Variants in ZNF18 observed in about 807,000 individuals in gnomAD.
The protein encoded by ZNF18 is zinc finger protein 18, also known as heart development-specific gene 1 protein.
A neutral mutation model predicts 58.1 loss-of-function variants in ZNF18; 42 were observed. The ratio of observed to expected loss-of-function variants is 0.72; its 90% confidence interval spans 0.56 to 0.93. The LOEUF is 0.93. Among genes scored for constraint, ZNF18 ranks in the 40% least tolerant of loss-of-function variants. The probability of loss-of-function intolerance (pLI) is 0.00; values close to 1 mark genes in which losing one functional copy is unlikely to be tolerated. For synonymous variants in ZNF18, 231 were observed against 239.8 expected (o/e 0.96, Z 0.34); for missense variants, 540 against 644.2 (o/e 0.84, Z 1.75).
the ZNF18 span, among the ~76,000 whole-genome samples, chr17:12,019,847 A>T: frequency 0.23 from 34,527 of 152,144 alleles, 4,074 homozygotes; most frequent in Non-Finnish European, 0.25. Flanking sequence ...ATGGGAGAAA[A>T]TGTCCAGCTC....
chr17:12,014,433 C>T, the ZNF18 span, among the ~76,000 whole-genome samples: 1 of 152,020 alleles, frequency 6.6e-6, no homozygotes, highest in Admixed American at 6.6e-5. Flanking sequence ...TATATCCATA[C>T]AATATAATAT....
chr17:11,997,415 C>A lies in ZNF18; in HGVS notation c.-83+16G>T, dbSNP rs1968544325. 1.3e-5 allele frequency: 2 copies of A among 152,218 alleles called. No homozygotes were observed. Among genetic ancestry groups the A allele is most frequent in the African/African-American group, 4.8e-5 (2 of 41,456 alleles). 9.4% of individuals were successfully genotyped at this position (152,218 alleles called of 1,614,324 possible). On this transcript the variant is annotated intron_variant, in intron 1 of 6. Transcript: ENST00000580306. ...CGAGCGGCCGGAGGCCGGGACCGCC[C>A]CGCAAGCGCGCTCACCTCGGCCCGC...
chr17:11,990,579 T>C (rs368198908), intron 3 of ZNF18, 29 bp from the exon 4 acceptor site: 17 of 1,582,040 alleles, frequency 1.1e-5, no homozygotes, highest in Non-Finnish European at 1.4e-5. Context: ...GTTTTCAGAA[T>C]CTGGATGTCT....
upstream of ZNF18, among the ~76,000 whole-genome samples, chr17:12,000,714 CAGAA>C (rs1968641705): frequency 2.6e-5 from 4 of 152,142 alleles, 1 homozygote; most frequent in South Asian, 4.2e-4. Context: ...GAAACTCTGT[CAGAA>C]AGAAAGAAAG....
At chr17:12,003,832 C>T in the ZNF18 span, among the ~76,000 whole-genome samples, 2 of 152,192 alleles carry the variant, frequency 1.3e-5, no homozygotes, top group East Asian at 1.9e-4. Context: ...TTGAATACAA[C>T]GGACTGGCCA....
chr17:12,013,335 T>A, the ZNF18 span, among the ~76,000 whole-genome samples: 1 of 152,264 alleles, frequency 6.6e-6, no homozygotes, highest in African/African-American at 2.4e-5. Context: ...GTTTGTCTTT[T>A]GACTTTGCTT....
chr17:12,018,803 T>C, the ZNF18 span, among the ~76,000 whole-genome samples: 1 of 152,166 alleles, frequency 6.6e-6, no homozygotes, highest in South Asian at 2.1e-4. Flanking sequence ...CAAGTATATG[T>C]CAGTTTTATC....
At chr17:12,010,715 C>T in the ZNF18 span, 41 of 214,704 alleles carry the variant, frequency 1.9e-4, no homozygotes, top group African/African-American at 7.4e-4. Context: ...TGCGCCCCGC[C>T]GGTCTTTTAT....
chr17:12,018,963 T>C, the ZNF18 span, among the ~76,000 whole-genome samples: 1 of 150,776 alleles, frequency 6.6e-6, no homozygotes. Context: ...TATATACATA[T>C]TTTTTTTAAT....
the ZNF18 span, among the ~76,000 whole-genome samples, chr17:12,006,613 T>C: frequency 6.6e-6 from 1 of 152,166 alleles, no homozygotes; most frequent in South Asian, 2.1e-4. Context: ...TACCAGGGCA[T>C]GGTGGTGCAC....
the ZNF18 span, among the ~76,000 whole-genome samples, chr17:12,003,130 T>G: frequency 6.6e-6 from 1 of 152,034 alleles, no homozygotes; most frequent in Admixed American, 6.6e-5. Flanking sequence ...ATACATCACG[T>G]TTTATGTGGG....
rs772144825 is a variant in ZNF18 at position 11,978,546 on chromosome 17, C to A, written c.1061G>T (p.Gly354Val). The change falls in exon 7 of 7, where the codon GGA becomes GTA. Residue 354 changes from glycine to valine, a missense_variant. Physicochemically the swap from Gly to Val is moderately radical, Grantham distance 109. Transcript: ENST00000580306. The stretch of plus-strand genomic sequence containing the variant: ...TTGAGGAGACAGCTGTTCCCCTGTT[C>A]CCTCATCCTGAATGTTTTGCAGAGC... ...PEALQNIQDE[G>V]TGEQLSPQER... 2 of 1,613,146 alleles carry A rather than the reference C, an allele frequency of 1.2e-6. No individual in the cohort carries two copies. The highest frequency in any genetic ancestry group is 1.7e-6 in the Non-Finnish European group (2 of 1,179,726).
the ZNF18 span, among the ~76,000 whole-genome samples, chr17:12,018,106 A>G: frequency 2.0e-5 from 3 of 152,202 alleles, no homozygotes; most frequent in South Asian, 2.1e-4. Flanking sequence ...AAATCACTAC[A>G]TGGCAGAGCC....
At chr17:12,006,005 G>A in the ZNF18 span, among the ~76,000 whole-genome samples, 1 of 151,784 alleles carries the variant, frequency 6.6e-6, no homozygotes, top group Non-Finnish European at 1.5e-5. Context: ...CTCACATGGA[G>A]GGCATGTTAA....
At chr17:12,002,868 A>G in the ZNF18 span, among the ~76,000 whole-genome samples, 483 of 152,246 alleles carry the variant, frequency 3.2e-3, 2 homozygotes, top group Non-Finnish European at 5.4e-3. Context: ...CTGGGCATCA[A>G]TGGAGGATAT....
chr17:12,009,962 G>A, the ZNF18 span, among the ~76,000 whole-genome samples: 1 of 152,100 alleles, frequency 6.6e-6, no homozygotes, highest in Non-Finnish European at 1.5e-5. Context: ...ATTAGCAGAT[G>A]GTAGTTTAGA....
rs986915987 is a variant in ZNF18 at position 11,980,417 on chromosome 17, T to C, written c.863-1673A>G. On this transcript the variant is annotated intron_variant, in intron 6 of 6. Coordinates refer to ENST00000580306, the MANE Select transcript of ZNF18 (RefSeq NM_001303281.2). Reference sequence around the variant, plus strand: ...AACAAAAATAATCATTTATCTGTCATGGTCATGAAAACTTTTTTTTTGAGA... The same window carrying C: ...AACAAAAATAATCATTTATCTGTCACGGTCATGAAAACTTTTTTTTTGAGA... Among the ~76,000 whole-genome samples the C allele has an allele frequency of 3.3e-5, 5 of 152,152 alleles. No individual in the cohort carries two copies. In the South Asian group the frequency reaches 6.2e-4, roughly 19 times the overall value.
chr17:12,013,149 A>G, the ZNF18 span, among the ~76,000 whole-genome samples: 1 of 151,998 alleles, frequency 6.6e-6, no homozygotes, highest in African/African-American at 2.4e-5. Context: ...ATGGGGTTTC[A>G]CCGTGTTAGC....
At chr17:12,013,958 T>G in the ZNF18 span, among the ~76,000 whole-genome samples, 1 of 152,222 alleles carries the variant, frequency 6.6e-6, no homozygotes, top group South Asian at 2.1e-4. Flanking sequence ...CAAAAGTGAC[T>G]GACAGATGGT....
Sources: gnomAD v4.1 joint callset for allele counts (sites outside exome capture counted in the v4.1 genomes callset) on GRCh38, gnomAD v4.1.1 for gene constraint, MANE v1.5 for transcripts, NCBI Gene and HGNC (gene_info 2026-07-23, HGNC 2026-07-21) for gene names.